NFAT5: variants seen among roughly 807,000 people sequenced by gnomAD.
The protein encoded by NFAT5 is nuclear factor of activated T-cells 5.
In NFAT5, 31 loss-of-function variants were observed where a neutral mutation model predicts 166.5. The observed-to-expected ratio is 0.19, with a 90% confidence interval of 0.14 to 0.25. NFAT5 has a LOEUF of 0.25. NFAT5 is among the 10% of genes least tolerant of loss of function. The pLI is 1.00. For missense variants in NFAT5, 1,449 were observed against 1,821.8 expected, an observed-to-expected ratio of 0.80 and a Z score of 3.72; for synonymous variants, 612 against 639.7, an observed-to-expected ratio of 0.96 and a Z score of 0.65.
intron 7 of NFAT5, among the ~76,000 whole-genome samples, chr16:69,669,559 T>C (rs569853694): frequency 6.6e-6 from 1 of 152,104 alleles, no homozygotes; most frequent in East Asian, 1.9e-4. Context: ...AAAAAAGATT[T>C]TAGATTTTTG....
rs534818812 is a variant in NFAT5, at chr16:69,684,550, ACT to A, written c.1691-334_1691-333del. Among the ~76,000 whole-genome samples the A allele has an allele frequency of 8.5e-4, 128 of 151,402 alleles. No individual in the cohort carries two copies. The Middle Eastern group carries it at 0.01, about 12-fold the overall frequency. ...ACTCCAGCCTGGGCAACAGAGCGAG[ACT>A]CTGTCGCAAAAAAAAAGATGGGGTT... On this transcript the variant is annotated intron_variant, in intron 10 of 14. Coordinates refer to ENST00000349945, the MANE Select transcript of NFAT5 (RefSeq NM_138713.4).
rs958080760 is a variant in NFAT5, at chr16:69,566,588, C to G, written c.73+214C>G. On this transcript the variant is annotated intron_variant, in intron 1 of 14. Coordinates refer to ENST00000349945, the MANE Select transcript of NFAT5 (RefSeq NM_138713.4). This position sits in a 1 kb window ranked among gnomAD's most constrained non-coding sequence, Gnocchi z 5.7. ...GGCGGCCCCTCCCCCGCGGAGCCGC[C>G]GGCCGCTCGGGGCCCAGATTCCGTC... 6.6e-6 allele frequency among the ~76,000 whole-genome samples: 1 copy of G among 152,024 alleles called. No homozygotes were observed. Among genetic ancestry groups the G allele is most frequent in the Non-Finnish European group, 1.5e-5 (1 of 67,954 alleles).
chr16:69,616,746 C>A (rs970530441), intron 2 of NFAT5, among the ~76,000 whole-genome samples: 1 of 151,836 alleles, frequency 6.6e-6, no homozygotes, highest in South Asian at 2.1e-4. Flanking sequence ...TCATGTTGCT[C>A]AGACTCTGCA....
At chr16:69,587,346 G>T (rs894623953) in intron 2 of NFAT5, among the ~76,000 whole-genome samples, 74 of 140,136 alleles carry the variant, frequency 5.3e-4, no homozygotes, top group Non-Finnish European at 1.8e-4. Context: ...AAGGTGCTAG[G>T]ATTACAGGTG....
At chr16:69,643,464 A>G (rs1439934621) in intron 3 of NFAT5, among the ~76,000 whole-genome samples, 1 of 151,856 alleles carries the variant, frequency 6.6e-6, no homozygotes, top group South Asian at 2.1e-4. Flanking sequence ...TTCATGGTAA[A>G]TTTATGGATA....
intron 14 of NFAT5, 113 bp from the exon 15 acceptor site, chr16:69,696,244 TATG>T (rs1189125661): frequency 6.6e-6 from 1 of 152,220 alleles, no homozygotes; most frequent in Non-Finnish European, 1.5e-5. Flanking sequence ...GAAGATCAAA[TATG>T]ATAAAGTTTT....
chr16:69,611,237 T>G (rs2033690726), intron 2 of NFAT5, among the ~76,000 whole-genome samples: 1 of 152,222 alleles, frequency 6.6e-6, no homozygotes, highest in Admixed American at 6.5e-5. Context: ...GGTTATATAA[T>G]ATGGTTAGCT....
chr16:69,648,313 T>C lies in NFAT5; in HGVS notation c.812+727T>C, dbSNP rs73568391. On this transcript the variant is annotated intron_variant, in intron 4 of 14. Transcript: ENST00000349945. ...CATATGGTTTACATTTTTTAGAGGA[T>C]TTTAGACTTAATTTTTTTCTCTTTA... The C allele has an allele frequency of 0.01, 10,186 of 984,326 alleles. 625 individuals are homozygous for C. The African/African-American group carries it at 0.15, about 14-fold the overall frequency. 61.0% of individuals were successfully genotyped at this position (984,326 alleles called of 1,614,324 possible).
chr16:69,697,057 A>G lies in NFAT5; in HGVS notation c.*706A>G, dbSNP rs2037786766. 2 of 152,682 alleles carry G rather than the reference A, an allele frequency of 1.3e-5. No homozygotes were observed. Among genetic ancestry groups the G allele is most frequent in the African/African-American group, 4.8e-5 (2 of 41,462 alleles). The allele number at this position is 152,682 out of a possible 1,614,324, so 9.5% of individuals were successfully genotyped here. ...CTAAGGGGTTTAGCCATAACTGTGC[A>G]TAGAAAAATAATTATCTGTAAAAAA... On this transcript the variant is annotated 3_prime_UTR_variant, in exon 15 of 15. Coordinates refer to ENST00000349945, the MANE Select transcript of NFAT5 (RefSeq NM_138713.4).
At chr16:69,638,603 G>C (rs1567563074) in intron 3 of NFAT5, among the ~76,000 whole-genome samples, 1 of 151,944 alleles carries the variant, frequency 6.6e-6, no homozygotes, top group Non-Finnish European at 1.5e-5. Flanking sequence ...AGAGGTGGTG[G>C]TGGGCGCCTG....
chr16:69,610,108 T>C (rs2033638272), intron 2 of NFAT5, among the ~76,000 whole-genome samples: 1 of 152,076 alleles, frequency 6.6e-6, no homozygotes, highest in Non-Finnish European at 1.5e-5. Context: ...AAAAGAAAAC[T>C]AACTTTTTAA....
intron 2 of NFAT5, among the ~76,000 whole-genome samples, chr16:69,576,308 AAAAG>A (rs1414011214): frequency 1.3e-5 from 2 of 151,818 alleles, no homozygotes; most frequent in South Asian, 4.2e-4. Flanking sequence ...AAAAAAAAAA[AAAAG>A]AACGTTTGAA....
At chr16:69,673,024 C>G (rs982098331) in intron 9 of NFAT5, among the ~76,000 whole-genome samples, 5 of 151,958 alleles carry the variant, frequency 3.3e-5, no homozygotes, top group African/African-American at 1.2e-4. Flanking sequence ...TTTTCTTTCT[C>G]TCTCTCTCTC....
rs764512084 is a variant in NFAT5 at position 69,692,509 on chromosome 16, C to T, written c.2684C>T (p.Ser895Phe). 2 of 1,614,016 alleles carry T rather than the reference C, an allele frequency of 1.2e-6. No homozygotes were observed. Among genetic ancestry groups the T allele is most frequent in the Non-Finnish European group, 1.7e-6 (2 of 1,180,042 alleles). ...CATCCACAGTCTGAAAACACGTTAT[C>T]TAATCAACAGCAGCAGCAGCAGCAG... ...SVHPQSENTL[S>F]NQQQQQQQQQ... The change falls in exon 13 of 15, where the codon TCT becomes TTT. Residue 895 changes from serine (S) to phenylalanine (F), a missense_variant. By Grantham distance (155) the Ser-to-Phe change is radical. This residue lies in a region of NFAT5 where 891 missense variants were observed against 993.0 expected (regional missense o/e 0.90). Transcript: ENST00000349945.
intron 2 of NFAT5, among the ~76,000 whole-genome samples, chr16:69,600,661 G>T (rs1385087148): frequency 7.0e-6 from 1 of 142,534 alleles, no homozygotes; most frequent in East Asian, 2.2e-4. Context: ...TTGCTGTGGA[G>T]AAATAAACAG....
chr16:69,616,174 C>G (rs2033935126), intron 2 of NFAT5, among the ~76,000 whole-genome samples: 2 of 152,116 alleles, frequency 1.3e-5, no homozygotes, highest in Non-Finnish European at 2.9e-5. Context: ...GGCAACCCTT[C>G]TACACAGATG....
chr16:69,587,944 C>CTTTTTT (rs61460423), intron 2 of NFAT5, among the ~76,000 whole-genome samples: 5 of 68,250 alleles, frequency 7.3e-5, no homozygotes, highest in Non-Finnish European at 1.2e-4. Context: ...ATAGTGCTTT[C>CTTTTTT]TTTTTTTTTT....
intron 8 of NFAT5, 35 bp downstream of exon 8, chr16:69,670,146 T>G: frequency 6.2e-7 from 1 of 1,600,600 alleles, no homozygotes; most frequent in Non-Finnish European, 8.5e-7. Context: ...GATATTTGTA[T>G]GTTTTCACTT....
chr16:69,574,842 G>C (rs1368200341), intron 2 of NFAT5, among the ~76,000 whole-genome samples: 1 of 151,098 alleles, frequency 6.6e-6, no homozygotes, highest in African/African-American at 2.4e-5. Context: ...CTAATTTTTT[G>C]TATTTTTTTA....
Sources: allele counts gnomAD v4.1 joint callset (sites outside exome capture counted in the v4.1 genomes callset), GRCh38; gene constraint gnomAD v4.1.1; regional missense constraint gnomAD v4.1.1; non-coding constraint Gnocchi (gnomAD v3.1); transcripts MANE v1.5; gene names NCBI Gene and HGNC (gene_info 2026-07-23, HGNC 2026-07-21).